GNG10: variants seen among roughly 807,000 people sequenced by gnomAD.
The protein encoded by GNG10 is G protein subunit gamma 10.
GNG10 carries 7 observed loss-of-function variants against 6.8 expected under a neutral mutation model. That is an observed-to-expected ratio of 1.02 (90% CI 0.58 to 1.92). GNG10 has a LOEUF of 1.92. Ranked by LOEUF, GNG10 falls within the 30% of genes most tolerant of loss-of-function variation. GNG10 has a pLI of 0.00. For missense variants in GNG10, 57 were observed against 86.1 expected (o/e 0.66, Z 1.34); for synonymous variants, 28 against 34.8 (o/e 0.80, Z 0.69).
At chr9:111,664,121 C>T (rs1159674328) in intron 1 of GNG10, among the ~76,000 whole-genome samples, 1 of 152,104 alleles carries the variant, frequency 6.6e-6, no homozygotes, top group East Asian at 1.9e-4. Flanking sequence ...AGGCATGAGC[C>T]ATGGCACCTG....
chr9:111,669,003 C>T (rs1478544174), intron 2 of GNG10, among the ~76,000 whole-genome samples: 2 of 151,968 alleles, frequency 1.3e-5, no homozygotes, highest in Non-Finnish European at 2.9e-5. Flanking sequence ...ATTACAGGTG[C>T]CCGCCACCAT....
chr9:111,665,003 A>G (rs1461282401), intron 1 of GNG10, among the ~76,000 whole-genome samples: 1 of 152,200 alleles, frequency 6.6e-6, no homozygotes. Flanking sequence ...GTAATATTAT[A>G]TTATGGTTTT....
At chr9:111,664,582 G>A (rs1433600326) in intron 1 of GNG10, among the ~76,000 whole-genome samples, 1 of 152,146 alleles carries the variant, frequency 6.6e-6, no homozygotes, top group Non-Finnish European at 1.5e-5. Context: ...CAGGTAACCT[G>A]GGTGGAGGTT....
intron 1 of GNG10, among the ~76,000 whole-genome samples, chr9:111,665,942 G>A (rs1161762634): frequency 6.9e-6 from 1 of 145,820 alleles, no homozygotes; most frequent in Non-Finnish European, 1.5e-5. Flanking sequence ...CACCATGTTG[G>A]TCAGGCTGGT....
chr9:111,663,603 T>C (rs1414001058), intron 1 of GNG10, among the ~76,000 whole-genome samples: 1 of 151,828 alleles, frequency 6.6e-6, no homozygotes, highest in Non-Finnish European at 1.5e-5. Flanking sequence ...AGTAGGATAC[T>C]GGAGTGTAAA....
chr9:111,662,171 G>C (rs1346580147), intron 1 of GNG10, among the ~76,000 whole-genome samples: 1 of 152,172 alleles, frequency 6.6e-6, no homozygotes, highest in Admixed American at 6.5e-5. Context: ...CACCCGCCGA[G>C]GTAGAGAGGA....
chr9:111,665,366 A>T (rs966404577), intron 1 of GNG10, among the ~76,000 whole-genome samples: 1 of 152,204 alleles, frequency 6.6e-6, no homozygotes, highest in Non-Finnish European at 1.5e-5. Context: ...GGCTTAAAAG[A>T]TTTATACTCA....
intron 1 of GNG10, among the ~76,000 whole-genome samples, chr9:111,663,170 C>A (rs900826852): frequency 6.6e-6 from 1 of 152,080 alleles, no homozygotes; most frequent in Non-Finnish European, 1.5e-5. Context: ...TCTTCTAAGG[C>A]AGAGGAAAGG....
chr9:111,664,692 C>T (rs772959088), intron 1 of GNG10, among the ~76,000 whole-genome samples: 58 of 152,142 alleles, frequency 3.8e-4, no homozygotes, highest in Admixed American at 5.9e-4. Context: ...AGATGCTGAT[C>T]ACGTTTACTC....
At chr9:111,666,081 C>T (rs1014721316) in intron 1 of GNG10, among the ~76,000 whole-genome samples, 8 of 152,026 alleles carry the variant, frequency 5.3e-5, no homozygotes, top group African/African-American at 1.7e-4. Context: ...TCTACCTCTT[C>T]GTGGAAGGAG....
At chr9:111,663,817 T>C (rs978999108) in intron 1 of GNG10, among the ~76,000 whole-genome samples, 3 of 123,636 alleles carry the variant, frequency 2.4e-5, no homozygotes, top group African/African-American at 7.1e-5. Flanking sequence ...AGAGGAAAGA[T>C]ATTCTTTTTT....
chr9:111,668,687 A>G (rs1454467696), intron 2 of GNG10, among the ~76,000 whole-genome samples: 1 of 151,776 alleles, frequency 6.6e-6, no homozygotes, highest in African/African-American at 2.4e-5. Flanking sequence ...GTTTCACCGT[A>G]TTGCTCAGGC....
Position 111,662,902 on chromosome 9 carries a change from GT to G in GNG10, c.81+1194del, listed in dbSNP as rs1285345214. Among the ~76,000 whole-genome samples, 3 of 152,022 alleles carry G rather than the reference GT, an allele frequency of 2.0e-5. No individual in the cohort carries two copies. In the East Asian group the frequency reaches 5.8e-4, roughly 29 times the overall value. ...CCTAGTTTTAAAGAGGAAATAACGT[GT>G]TTTTTTAACTTAGGAAATGAAAAGC... On this transcript the variant is annotated intron_variant, in intron 1 of 2. Coordinates refer to ENST00000374293, the MANE Select transcript of GNG10 (RefSeq NM_001017998.4).
At chr9:111,663,733 A>G (rs1830858273) in intron 1 of GNG10, among the ~76,000 whole-genome samples, 1 of 152,150 alleles carries the variant, frequency 6.6e-6, no homozygotes, top group African/African-American at 2.4e-5. Context: ...TCACAAAGAC[A>G]ATGTGGGGAC....
chr9:111,661,789 C>T lies in GNG10; in HGVS notation c.81+74C>T. The stretch of plus-strand genomic sequence containing the variant: ...GAGAAGAGGAGGCCGGCGGCCCGGA[C>T]CGGGCGCCAGCGGGGGACTCGGTGG... On this transcript the variant is annotated intron_variant, in intron 1 of 2. Coordinates refer to ENST00000374293, the MANE Select transcript of GNG10 (RefSeq NM_001017998.4). This position sits in a 1 kb window ranked among gnomAD's most constrained non-coding sequence, Gnocchi z 6.1. 3.3e-6 allele frequency: 3 copies of T among 909,946 alleles called. 1 individual carries two copies. The allele number at this position is 909,946 out of a possible 1,614,324, so 56.4% of individuals were successfully genotyped here.
At chr9:111,666,404 G>T (rs924700419) in intron 1 of GNG10, among the ~76,000 whole-genome samples, 1 of 152,198 alleles carries the variant, frequency 6.6e-6, no homozygotes, top group Non-Finnish European at 1.5e-5. Context: ...GTTTGGAGCA[G>T]ACTGAATAAG....
intron 2 of GNG10, among the ~76,000 whole-genome samples, 159 bp from the exon 3 acceptor site, chr9:111,669,110 C>T (rs1039550584): frequency 2.6e-5 from 4 of 152,216 alleles, no homozygotes; most frequent in Admixed American, 1.3e-4. Context: ...CCACCCACCT[C>T]GGCCTCCCAA....
In GNG10 at chr9:111,661,839, C is replaced by CG. The variant is rs199499183; in HGVS notation, c.81+129dup. 64,769 of 375,868 alleles carry CG rather than the reference C, an allele frequency of 0.17. 7,399 individuals carry two copies. Among genetic ancestry groups the CG allele is most frequent in the East Asian group, 0.39 (4,371 of 11,134 alleles). The allele number at this position is 375,868 out of a possible 1,614,324, so 23.3% of individuals were successfully genotyped here. A position where few individuals can be genotyped will look rare whatever the true frequency, so the allele number is the denominator to read the frequency against. On this transcript the variant is annotated intron_variant, in intron 1 of 2. Transcript: ENST00000374293. This position sits in a 1 kb window ranked among gnomAD's most constrained non-coding sequence, Gnocchi z 6.1. ...GCGGCGGCGAGGCCTCGGCGGGGCG[C>CG]GGGGGCGGTGGGGTCCGCGGTGAGG...
At position 111,667,989 on chromosome 9, in the gene GNG10, T is replaced by C. The variant is rs758491419; in HGVS notation, c.*6+1043T>C. Among the ~76,000 whole-genome samples the C allele has an allele frequency of 1.4e-4, 22 of 152,282 alleles. No individual in the cohort carries two copies. In the South Asian group the frequency reaches 1.4e-3, roughly 10 times the overall value. ...CTCCTGCCTCAGCCACCCGAGTAGC[T>C]GGGATTACAGGCGCATGCCACCATG... On this transcript the variant is annotated intron_variant, in intron 2 of 2. Transcript: ENST00000374293.
Sources: gnomAD v4.1 joint callset for allele counts (sites outside exome capture counted in the v4.1 genomes callset) on GRCh38, gnomAD v4.1.1 for gene constraint, Gnocchi (gnomAD v3.1) non-coding constraint, MANE v1.5 for transcripts, NCBI Gene and HGNC (gene_info 2026-07-23, HGNC 2026-07-21) for gene names.